Variants in RAB7B observed in about 807,000 individuals in gnomAD.
The protein encoded by RAB7B is ras-related protein Rab-7b.
At chr1:205,988,032 A>G (rs1359862009) in intron 4 of RAB7B, among the ~76,000 whole-genome samples, 3 of 152,106 alleles carry the variant, frequency 2.0e-5, no homozygotes, top group African/African-American at 7.2e-5. Flanking sequence ...GATAAAATGT[A>G]CCTGGCTCAT....
chr1:205,991,258 G>T (rs1660718333), intron 4 of RAB7B, among the ~76,000 whole-genome samples: 1 of 152,184 alleles, frequency 6.6e-6, no homozygotes, highest in Non-Finnish European at 1.5e-5. Context: ...AGACCACAAG[G>T]TTCTCACCCA....
At chr1:205,987,394 A>G (rs1329616085) in intron 4 of RAB7B, among the ~76,000 whole-genome samples, 1 of 152,200 alleles carries the variant, frequency 6.6e-6, no homozygotes, top group East Asian at 1.9e-4. Flanking sequence ...ACAATATACT[A>G]CTGACATTTC....
At chr1:205,986,208 G>A (rs1660601431) in intron 4 of RAB7B, among the ~76,000 whole-genome samples, 8 of 152,192 alleles carry the variant, frequency 5.3e-5, no homozygotes, top group African/African-American at 7.2e-5. Context: ...GCAGAGACTC[G>A]GGTCTCAGCT....
chr1:205,983,396 C>T (rs963785315), intron 5 of RAB7B, among the ~76,000 whole-genome samples: 13 of 152,190 alleles, frequency 8.5e-5, no homozygotes, highest in Admixed American at 3.3e-4. Flanking sequence ...CTCATCCTCA[C>T]TACCAGCTGT....
At chr1:205,985,325 C>T (rs1185773038) in intron 5 of RAB7B, among the ~76,000 whole-genome samples, 2 of 152,198 alleles carry the variant, frequency 1.3e-5, no homozygotes, top group African/African-American at 2.4e-5. Context: ...AGACCACTGA[C>T]TGCATGCTCT....
At chr1:205,986,247 G>C (rs969907619) in intron 4 of RAB7B, among the ~76,000 whole-genome samples, 4 of 152,196 alleles carry the variant, frequency 2.6e-5, no homozygotes, top group African/African-American at 9.7e-5. Flanking sequence ...CAGGGTCCTA[G>C]GAACAATTAA....
intron 1 of RAB7B, among the ~76,000 whole-genome samples, chr1:205,994,904 A>G (rs1231102905): frequency 2.6e-5 from 4 of 152,350 alleles, no homozygotes; most frequent in Admixed American, 2.6e-4. Flanking sequence ...TATTACAATA[A>G]TATGGGAAAA....
intron 4 of RAB7B, among the ~76,000 whole-genome samples, chr1:205,991,160 C>G (rs1180087973): frequency 3.3e-5 from 5 of 152,192 alleles, no homozygotes; most frequent in Admixed American, 1.3e-4. Flanking sequence ...CTGACAGGGT[C>G]TGAAACCAGA....
At position 205,992,542 on chromosome 1, in the gene RAB7B, G is replaced by A. The variant is rs904211567; in HGVS notation, c.334C>T (p.Pro112Ser). 48 of 398,522 alleles carry A rather than the reference G, an allele frequency of 1.2e-4. No individual in the cohort carries two copies. Among genetic ancestry groups the A allele is most frequent in the Non-Finnish European group, 2.0e-4 (45 of 226,082 alleles). 24.7% of individuals were successfully genotyped at this position (398,522 alleles called of 1,614,324 possible). ...ACCATGGGGTAGGACTGCTCCATGG[G>A]GACAATCTTGGCCAGGACATCACCC... ...WRGDVLAKIV[P>S]MEQSYPMVLL... Residue 112 changes from proline (P) to serine (S), a missense_variant, in exon 4 of 6, where the codon CCC becomes TCC. Coordinates refer to ENST00000617070, the MANE Select transcript of RAB7B (RefSeq NM_001164522.3).
chr1:205,989,676 C>A (rs2102638198), intron 4 of RAB7B, among the ~76,000 whole-genome samples: 1 of 152,260 alleles, frequency 6.6e-6, no homozygotes, highest in East Asian at 1.9e-4. Flanking sequence ...CCACCCCAGC[C>A]CTGGCCCTTC....
intron 4 of RAB7B, among the ~76,000 whole-genome samples, 178 bp from the exon 5 acceptor site, chr1:205,985,843 ACCACT>A (rs1660595755): frequency 6.7e-6 from 1 of 149,610 alleles, no homozygotes; most frequent in African/African-American, 2.5e-5. Flanking sequence ...CAGGCCCACC[ACCACT>A]CCCATTTATT....
chr1:205,979,215 G>T (rs1660442508), intron 5 of RAB7B, among the ~76,000 whole-genome samples: 1 of 152,158 alleles, frequency 6.6e-6, no homozygotes, highest in African/African-American at 2.4e-5. Context: ...CTCCAGAGGG[G>T]ACAGCTGAGG....
chr1:205,989,563 T>A (rs1660681492), intron 4 of RAB7B, among the ~76,000 whole-genome samples: 2 of 152,132 alleles, frequency 1.3e-5, no homozygotes, highest in African/African-American at 4.8e-5. Flanking sequence ...CCTCTTCCTC[T>A]CAGGGCCTCT....
chr1:205,991,016 C>T (rs1660713902), intron 4 of RAB7B, among the ~76,000 whole-genome samples: 3 of 152,102 alleles, frequency 2.0e-5, no homozygotes, highest in Admixed American at 6.5e-5. Flanking sequence ...CATGATTCGC[C>T]TGCCTCTGCC....
intron 4 of RAB7B, among the ~76,000 whole-genome samples, chr1:205,988,551 T>C (rs1321056123): frequency 2.0e-5 from 3 of 152,224 alleles, no homozygotes; most frequent in Non-Finnish European, 4.4e-5. Context: ...CATTTTTATA[T>C]ACTCATTTTC....
At chr1:205,987,798 A>G (rs1052197572) in intron 4 of RAB7B, among the ~76,000 whole-genome samples, 1 of 152,196 alleles carries the variant, frequency 6.6e-6, no homozygotes, top group African/African-American at 2.4e-5. Context: ...TTTAAACTAA[A>G]TCAGTAATTT....
Position 205,978,843 on chromosome 1 carries a change from T to A in RAB7B, c.*8A>T. 2.5e-6 allele frequency: 1 copy of A among 398,582 alleles called. No homozygotes were observed. Among genetic ancestry groups the A allele is most frequent in the Non-Finnish European group, 4.4e-6 (1 of 226,112 alleles). 24.7% of individuals were successfully genotyped at this position (398,582 alleles called of 1,614,324 possible). On this transcript the variant is annotated 3_prime_UTR_variant, in exon 6 of 6. Transcript: ENST00000617070. Reference sequence around the variant, plus strand: ...TGTTTCTGGGCTTCCAGAGCAGGCGTCTGGAGGTCAGCAGCATCTGCTCCT... The same window carrying A: ...TGTTTCTGGGCTTCCAGAGCAGGCGACTGGAGGTCAGCAGCATCTGCTCCT...
chr1:205,996,743 G>T (rs938998356), intron 1 of RAB7B, among the ~76,000 whole-genome samples: 1 of 152,164 alleles, frequency 6.6e-6, no homozygotes, highest in South Asian at 2.1e-4. Flanking sequence ...AATTGGTTCC[G>T]CATGGCTGGG....
rs1660756821 is a variant in RAB7B, at chr1:205,993,359, C to G, written c.180+61G>C. ...TTCACATTGCTACATGAGTGGCTGT[C>G]CGGGCTTGGGGGGGATTTTCAGTGT... On this transcript the variant is annotated intron_variant, in intron 3 of 5. Transcript: ENST00000617070. 14 of 397,624 alleles carry G rather than the reference C, an allele frequency of 3.5e-5. No individual in the cohort carries two copies. The South Asian group carries it at 1.7e-3, about 48-fold the overall frequency. 24.6% of individuals were successfully genotyped at this position (397,624 alleles called of 1,614,324 possible).
Sources: gnomAD v4.1 joint callset for allele counts (sites outside exome capture counted in the v4.1 genomes callset) on GRCh38, gnomAD v4.1.1 for gene constraint, MANE v1.5 for transcripts, NCBI Gene and HGNC (gene_info 2026-07-23, HGNC 2026-07-21) for gene names.